Variants in MALRD1 observed in about 807,000 individuals in gnomAD.
MALRD1 encodes MAM and LDL receptor class A domain containing 1.
Under a neutral mutation model 242.1 loss-of-function variants are expected in MALRD1, and 247 were observed. That is an observed-to-expected ratio of 1.02 (90% CI 0.92 to 1.13). The LOEUF (loss-of-function observed/expected upper bound fraction) is 1.13. Ranked by LOEUF, MALRD1 falls within the 50% of genes most tolerant of loss-of-function variation. The pLI, the probability that MALRD1 is intolerant of heterozygous loss-of-function variation, is 0.00. For missense variants in MALRD1, 2,989 were observed against 2,533.1 expected (o/e 1.18, Z -3.86); for synonymous variants, 995 against 866.6 (o/e 1.15, Z -2.60).
rs900497809 is a variant in MALRD1 at position 19,622,660 on chromosome 10, A to C, written c.6137+6737A>C. On this transcript the variant is annotated intron_variant, in intron 36 of 39. Coordinates refer to ENST00000454679, the MANE Select transcript of MALRD1 (RefSeq NM_001142308.3). The stretch of plus-strand genomic sequence containing the variant: ...TAGTAAAACACTGAAAAAAAAAAAA[A>C]CAAACTATGAGAATCTGAGTAGCTA... Among the ~76,000 whole-genome samples, 7 of 150,944 alleles carry C rather than the reference A, an allele frequency of 4.6e-5. No individual in the cohort carries two copies. The South Asian group carries it at 6.2e-4, about 13-fold the overall frequency.
At chr10:19,366,955 C>T (rs1364422627) in intron 26 of MALRD1, among the ~76,000 whole-genome samples, 1 of 152,114 alleles carries the variant, frequency 6.6e-6, no homozygotes, top group Non-Finnish European at 1.5e-5. Context: ...TGAAGTCTTG[C>T]ATTGTGCTTC....
intron 29 of MALRD1, among the ~76,000 whole-genome samples, chr10:19,490,661 CTG>C (rs1231676292): frequency 6.6e-6 from 1 of 152,154 alleles, no homozygotes; most frequent in African/African-American, 2.4e-5. Context: ...AAAAATTAGA[CTG>C]TGATATCAAA....
chr10:19,301,884 AG>A (rs1339004570), intron 21 of MALRD1, among the ~76,000 whole-genome samples: 1 of 151,866 alleles, frequency 6.6e-6, no homozygotes, highest in African/African-American at 2.4e-5. Flanking sequence ...AAGGAAAAAA[AG>A]AATATGTAAA....
intron 26 of MALRD1, among the ~76,000 whole-genome samples, chr10:19,362,110 A>G (rs1844919290): frequency 6.6e-6 from 1 of 152,134 alleles, no homozygotes; most frequent in African/African-American, 2.4e-5. Context: ...GGGCTATCAT[A>G]GCAATACTCT....
At chr10:19,521,199 T>C (rs936262939) in intron 31 of MALRD1, among the ~76,000 whole-genome samples, 1 of 152,150 alleles carries the variant, frequency 6.6e-6, no homozygotes, top group East Asian at 1.9e-4. Flanking sequence ...GTAATTTCTC[T>C]AAAAAGAATC....
At chr10:19,237,610 A>AT (rs1838397113) in intron 18 of MALRD1, among the ~76,000 whole-genome samples, 3 of 49,406 alleles carry the variant, frequency 6.1e-5, no homozygotes, top group Admixed American at 3.9e-4. Context: ...TTATAATTAT[A>AT]ATTATATAAT....
chr10:19,479,406 G>A (rs1313249591), intron 29 of MALRD1, among the ~76,000 whole-genome samples: 2 of 152,122 alleles, frequency 1.3e-5, no homozygotes, highest in Admixed American at 6.5e-5. Context: ...TATTTGAGTC[G>A]GATGAGAGAA....
chr10:19,488,455 A>T (rs547844951), intron 29 of MALRD1: 1 of 152,812 alleles, frequency 6.5e-6, no homozygotes, highest in Admixed American at 6.5e-5. Flanking sequence ...ATGAAACAGA[A>T]GTGTCTCACC....
intron 36 of MALRD1, among the ~76,000 whole-genome samples, chr10:19,652,771 T>A (rs1840955390): frequency 6.6e-6 from 1 of 152,184 alleles, no homozygotes; most frequent in Admixed American, 6.5e-5. Context: ...TTGTTCCCAT[T>A]TTATAGTTGA....
intron 21 of MALRD1, among the ~76,000 whole-genome samples, chr10:19,294,931 G>A (rs954048786): frequency 2.6e-5 from 4 of 151,894 alleles, no homozygotes; most frequent in Non-Finnish European, 4.4e-5. Flanking sequence ...TAATAAATAT[G>A]CATTTATATT....
At chr10:19,158,324 T>C (rs1316185117) in intron 12 of MALRD1, among the ~76,000 whole-genome samples, 1 of 152,256 alleles carries the variant, frequency 6.6e-6, no homozygotes, top group Non-Finnish European at 1.5e-5. Flanking sequence ...GATCTTTCTT[T>C]TGTTTTTAAT....
chr10:19,619,081 G>T (rs1360791254), intron 36 of MALRD1, among the ~76,000 whole-genome samples: 1 of 152,012 alleles, frequency 6.6e-6, no homozygotes, highest in African/African-American at 2.4e-5. Flanking sequence ...ATTTTATTTG[G>T]TTATCTCCTA....
chr10:19,636,933 A>T (rs903838707), intron 36 of MALRD1, among the ~76,000 whole-genome samples: 14 of 149,888 alleles, frequency 9.3e-5, no homozygotes, highest in South Asian at 2.1e-4. Context: ...GATTTTTTTA[A>T]AAAATATGAC....
intron 18 of MALRD1, among the ~76,000 whole-genome samples, chr10:19,210,236 G>T (rs1392154621): frequency 1.3e-5 from 2 of 152,082 alleles, no homozygotes; most frequent in African/African-American, 4.8e-5. Flanking sequence ...ATGCGTATGT[G>T]GCTGTTAACA....
At position 19,567,629 on chromosome 10, in the gene MALRD1, C is replaced by G. The variant is rs1163780890; in HGVS notation, c.5606C>G (p.Ala1869Gly). The G allele has an allele frequency of 4.5e-6, 7 of 1,550,562 alleles. No individual in the cohort carries two copies. The highest frequency in any genetic ancestry group is 6.1e-6 in the Non-Finnish European group (7 of 1,146,970). Residue 1869 changes from alanine (A) to glycine (G), a missense_variant, in exon 33 of 40, where the codon GCT becomes GGT. Transcript: ENST00000454679. ...SNSPFKVAFE[A>G]DLDGNEDIFI... is the part of the protein sequence containing the mutation. The stretch of plus-strand genomic sequence containing the variant: ...AGTCCGTTTAAGGTGGCATTTGAAG[C>G]TGATTTGGATGGAAATGAGGACATC...
rs544907826 is a variant in MALRD1, at chr10:19,390,107, A to G, written c.4845+498A>G. On this transcript the variant is annotated intron_variant, in intron 28 of 39. Coordinates refer to ENST00000454679, the MANE Select transcript of MALRD1 (RefSeq NM_001142308.3). The stretch of plus-strand genomic sequence containing the variant: ...GAGAACCAGCTTTGAGTTCAACATC[A>G]TATCCTGTGATTATGACTGAATCCC... Among the ~76,000 whole-genome samples the G allele has an allele frequency of 2.6e-5, 4 of 152,304 alleles. No homozygotes were observed. The South Asian group carries it at 6.2e-4, about 24-fold the overall frequency.
At chr10:19,114,439 C>G (rs1249258720) in intron 5 of MALRD1, among the ~76,000 whole-genome samples, 1 of 152,024 alleles carries the variant, frequency 6.6e-6, no homozygotes, top group Admixed American at 6.6e-5. Flanking sequence ...GAGTTCGAGA[C>G]CAGCCTGGCC....
chr10:19,327,664 A>T lies in MALRD1; in HGVS notation c.3678A>T (p.Ser1226=). Reference sequence around the variant, plus strand: ...CAGAAGTGTTTTTAGGCATTCGTTCACATACACAGGTGTGTAATACAGGTA... The same window carrying T: ...CAGAAGTGTTTTTAGGCATTCGTTCTCATACACAGGTGTGTAATACAGGTA... ...KRAEVFLGIR[S]HTQIVFRAKR... The change falls in exon 23 of 40, where the codon TCA becomes TCT. Residue 1226 remains serine (S), a synonymous_variant. Coordinates refer to ENST00000454679, the MANE Select transcript of MALRD1 (RefSeq NM_001142308.3). 6.5e-7 allele frequency: 1 copy of T among 1,548,968 alleles called. No homozygotes were observed. Among genetic ancestry groups the T allele is most frequent in the Non-Finnish European group, 8.7e-7 (1 of 1,145,698 alleles).
intron 29 of MALRD1, among the ~76,000 whole-genome samples, chr10:19,485,753 C>T (rs961692018): frequency 4.6e-5 from 7 of 151,872 alleles, no homozygotes; most frequent in Admixed American, 1.3e-4. Flanking sequence ...ACAAATCCAT[C>T]GATACATTTT....
Sources: gnomAD v4.1 joint callset for allele counts (sites outside exome capture counted in the v4.1 genomes callset) on GRCh38, gnomAD v4.1.1 for gene constraint, MANE v1.5 for transcripts, NCBI Gene and HGNC (gene_info 2026-07-23, HGNC 2026-07-21) for gene names.